CAMK4: variants seen among roughly 807,000 people sequenced by gnomAD.
CAMK4 encodes calcium/calmodulin dependent protein kinase IV.
Under a neutral mutation model 44.9 loss-of-function variants are expected in CAMK4, and 22 were observed. That is an observed-to-expected ratio of 0.49 (90% CI 0.35 to 0.70). The LOEUF is 0.70. Among genes scored for constraint, CAMK4 ranks in the 30% least tolerant of loss-of-function variants. The pLI is 0.01. For synonymous variants in CAMK4, 218 were observed against 215.4 expected (o/e 1.01, Z -0.11); for missense variants, 498 against 586.8 (o/e 0.85, Z 1.56).
At chr5:111,368,221 G>C (rs1362878591) in intron 2 of CAMK4, among the ~76,000 whole-genome samples, 1 of 152,098 alleles carries the variant, frequency 6.6e-6, no homozygotes. Context: ...GCCATCTGTT[G>C]ATGCTTCTCA....
At chr5:111,291,428 G>A (rs753341828) in intron 1 of CAMK4, among the ~76,000 whole-genome samples, 2 of 152,090 alleles carry the variant, frequency 1.3e-5, no homozygotes, top group Non-Finnish European at 2.9e-5. Context: ...GTTAACCGAA[G>A]CAAGTGGAAA....
intron 1 of CAMK4, among the ~76,000 whole-genome samples, chr5:111,308,811 T>C (rs948455418): frequency 1.1e-4 from 16 of 152,228 alleles, no homozygotes; most frequent in African/African-American, 3.4e-4. Flanking sequence ...ATTATTTATT[T>C]TGAAGTAAAG....
chr5:111,406,501 G>T (rs1026547079), intron 5 of CAMK4, among the ~76,000 whole-genome samples: 3 of 151,348 alleles, frequency 2.0e-5, no homozygotes, highest in Non-Finnish European at 4.4e-5. Context: ...TGGGATTACA[G>T]GTGTGAGCCT....
At chr5:111,334,753 A>G (rs1438381638) in intron 1 of CAMK4, among the ~76,000 whole-genome samples, 1 of 151,538 alleles carries the variant, frequency 6.6e-6, no homozygotes, top group Admixed American at 6.6e-5. Flanking sequence ...CATTAAGAGG[A>G]TCTTTCCAGT....
rs1755551940 is a variant in CAMK4, at chr5:111,484,633, T to G, written c.*167T>G. The G allele has an allele frequency of 2.3e-6, 1 of 428,092 alleles. No homozygotes were observed. Among genetic ancestry groups the G allele is most frequent in the Non-Finnish European group, 4.1e-6 (1 of 246,658 alleles). The allele number at this position is 428,092 out of a possible 1,614,324, so 26.5% of individuals were successfully genotyped here. On this transcript the variant is annotated 3_prime_UTR_variant, in exon 11 of 11. Coordinates refer to ENST00000282356, the MANE Select transcript of CAMK4 (RefSeq NM_001744.6). This position sits in a 1 kb window ranked among gnomAD's most constrained non-coding sequence, Gnocchi z 5.3. ...TTCTAACTTCAATGCATGTGACTGC[T>G]TTATGAAAATAATAGTGTCTTCTAT...
chr5:111,436,048 AT>A (rs199948742), intron 5 of CAMK4, among the ~76,000 whole-genome samples: 1 of 152,142 alleles, frequency 6.6e-6, no homozygotes, highest in African/African-American at 2.4e-5. Flanking sequence ...TTTTCTGTTC[AT>A]TTTTTTGCAT....
chr5:111,444,813 A>C (rs1753969566), intron 5 of CAMK4, among the ~76,000 whole-genome samples: 1 of 152,208 alleles, frequency 6.6e-6, no homozygotes, highest in African/African-American at 2.4e-5. Context: ...ACATGGGCAA[A>C]TGTTATGAAC....
chr5:111,391,647 A>G (rs998209834), intron 4 of CAMK4, among the ~76,000 whole-genome samples: 2 of 152,188 alleles, frequency 1.3e-5, no homozygotes, highest in African/African-American at 4.8e-5. Context: ...ACCCCAAAGA[A>G]GAAAACCAAG....
chr5:111,330,126 A>G (rs993580757), intron 1 of CAMK4, among the ~76,000 whole-genome samples: 1 of 149,318 alleles, frequency 6.7e-6, no homozygotes, highest in Non-Finnish European at 1.5e-5. Flanking sequence ...AAAAAACTCT[A>G]GAAGACTAGT....
intron 1 of CAMK4, among the ~76,000 whole-genome samples, chr5:111,299,848 C>T (rs190734780): frequency 1.3e-5 from 2 of 151,968 alleles, no homozygotes; most frequent in African/African-American, 4.8e-5. Flanking sequence ...TTCTATAACT[C>T]CTAATCATTT....
chr5:111,272,038 C>A (rs1332149266), intron 1 of CAMK4, among the ~76,000 whole-genome samples: 1 of 151,916 alleles, frequency 6.6e-6, no homozygotes, highest in Non-Finnish European at 1.5e-5. Flanking sequence ...TGGAATATAT[C>A]TTTTTTCCCT....
At chr5:111,279,449 C>T (rs1022105827) in intron 1 of CAMK4, among the ~76,000 whole-genome samples, 4 of 151,914 alleles carry the variant, frequency 2.6e-5, no homozygotes, top group Non-Finnish European at 5.9e-5. Context: ...ATGCTACATA[C>T]TCAAAGATGT....
chr5:111,310,872 G>A (rs1020817839), intron 1 of CAMK4, among the ~76,000 whole-genome samples: 2 of 152,084 alleles, frequency 1.3e-5, no homozygotes, highest in Non-Finnish European at 2.9e-5. Flanking sequence ...AGTTTTCTGG[G>A]CTGTAGGGAT....
At chr5:111,423,836 CTTA>C (rs1294711174) in intron 5 of CAMK4, among the ~76,000 whole-genome samples, 2 of 152,176 alleles carry the variant, frequency 1.3e-5, no homozygotes, top group Admixed American at 1.3e-4. Context: ...ACTCCCATGA[CTTA>C]TTAAGCACCT....
chr5:111,473,226 G>A (rs1024988573), intron 7 of CAMK4, 85 bp from the exon 8 acceptor site: 1 of 908,628 alleles, frequency 1.1e-6, no homozygotes, highest in Non-Finnish European at 1.8e-6. Flanking sequence ...TTGTTTTGAT[G>A]AATTTATTTC....
At chr5:111,289,716 G>A (rs531766800) in intron 1 of CAMK4, among the ~76,000 whole-genome samples, 6 of 152,266 alleles carry the variant, frequency 3.9e-5, no homozygotes, top group African/African-American at 1.4e-4. Context: ...ACCTTTAGAT[G>A]CCTTGCTTTT....
chr5:111,406,033 CTT>C (rs1427105061), intron 5 of CAMK4, among the ~76,000 whole-genome samples: 4 of 150,658 alleles, frequency 2.7e-5, no homozygotes, highest in African/African-American at 4.9e-5. Flanking sequence ...TTTCATCAAA[CTT>C]TCTCACCTTT....
rs533379177 is a variant in CAMK4 at position 111,339,461 on chromosome 5, C to G, written c.162-4563C>G. 2.0e-5 allele frequency among the ~76,000 whole-genome samples: 3 copies of G among 151,344 alleles called. No individual in the cohort carries two copies. The South Asian group carries it at 6.2e-4, about 31-fold the overall frequency. Reference sequence around the variant, plus strand: ...TTTGCTTTTGGATGTCCAGTTTTCCCAGCACCATTTATTAATGAAAATATT... The same window carrying G: ...TTTGCTTTTGGATGTCCAGTTTTCCGAGCACCATTTATTAATGAAAATATT... On this transcript the variant is annotated intron_variant, in intron 1 of 10. Coordinates refer to ENST00000282356, the MANE Select transcript of CAMK4 (RefSeq NM_001744.6).
At chr5:111,344,419 C>T (rs541527145) in intron 2 of CAMK4, among the ~76,000 whole-genome samples, 1 of 47,904 alleles carries the variant, frequency 2.1e-5, no homozygotes, top group African/African-American at 4.4e-5. Flanking sequence ...TATGTATATA[C>T]ACACACACAC....
Sources: allele counts gnomAD v4.1 joint callset (sites outside exome capture counted in the v4.1 genomes callset), GRCh38; gene constraint gnomAD v4.1.1; non-coding constraint Gnocchi (gnomAD v3.1); transcripts MANE v1.5; gene names NCBI Gene and HGNC (gene_info 2026-07-23, HGNC 2026-07-21).